The following ZFYVE16 variants were observed in gnomAD, a reference collection of about 807,000 sequenced individuals.
ZFYVE16 encodes the protein zinc finger FYVE-type containing 16, also known as zinc finger FYVE domain-containing protein 16.
Under a neutral mutation model 138.1 loss-of-function variants are expected in ZFYVE16, and 89 were observed. That is an observed-to-expected ratio of 0.64 (90% CI 0.54 to 0.77). The LOEUF is 0.77. Among genes scored for constraint, ZFYVE16 ranks in the 30% least tolerant of loss-of-function variants. The pLI is 0.00. For synonymous variants in ZFYVE16, 596 were observed against 618.3 expected, an observed-to-expected ratio of 0.96 and a Z score of 0.53; for missense variants, 1,793 against 1,786.7, an observed-to-expected ratio of 1.00 and a Z score of -0.06.
At position 80,413,890 on chromosome 5, in the gene ZFYVE16, AC is replaced by A. The variant is rs1335290516; in HGVS notation, c.-94+5738del. Among the ~76,000 whole-genome samples, 29 of 152,320 alleles carry A rather than the reference AC, an allele frequency of 1.9e-4. 1 individual carries two copies. Among genetic ancestry groups the A allele is most frequent in the Admixed American group, 1.3e-3 (20 of 15,300 alleles). ...AAGTATAGTTTACTCATTTCCTATT[AC>A]AGAAGATGGGAGTTTAGGTTTTTTG... On this transcript the variant is annotated intron_variant, in intron 1 of 18. Coordinates refer to ENST00000505560, the MANE Select transcript of ZFYVE16 (RefSeq NM_001284236.3).
At position 80,438,409 on chromosome 5, in the gene ZFYVE16, A is replaced by G. The variant is rs1750245995; in HGVS notation, c.1724A>G (p.Asn575Ser). Residue 575 changes from asparagine to serine, a missense_variant, in exon 4 of 19, where the codon AAT (asparagine) becomes AGT (serine). Physicochemically the swap from Asn to Ser is conservative, Grantham distance 46 (BLOSUM62 1). Transcript: ENST00000505560. ...AAAGGCTTAGATGATGGAAACATCA[A>G]TAATATATATTTCAATGCAGAAGCA... ...DMKGLDDGNI[N>S]NIYFNAEAGA... The G allele has an allele frequency of 5.6e-6, 9 of 1,613,830 alleles. No homozygotes were observed. Among genetic ancestry groups the G allele is most frequent in the South Asian group, 3.3e-5 (3 of 91,078 alleles).
chr5:80,454,417 A>G (rs1752295175), intron 11 of ZFYVE16: 1 of 151,612 alleles, frequency 6.6e-6, no homozygotes, highest in Non-Finnish European at 1.5e-5. Context: ...TCCAGAATTT[A>G]TGGTGCCCTA....
intron 6 of ZFYVE16, chr5:80,443,854 T>C (rs1447404381): frequency 1.5e-5 from 7 of 456,120 alleles, no homozygotes; most frequent in Middle Eastern, 6.5e-4. Flanking sequence ...AATTGCACTT[T>C]CCAGACTTCC....
At chr5:80,450,636 T>A in intron 10 of ZFYVE16, 50 bp downstream of exon 10, 1 of 1,559,528 alleles carries the variant, frequency 6.4e-7, no homozygotes, top group Non-Finnish European at 8.7e-7. Flanking sequence ...GATAAATTAG[T>A]TAAAGGCATT....
At chr5:80,433,018 C>A (rs1341596667) in intron 2 of ZFYVE16, among the ~76,000 whole-genome samples, 7 of 152,114 alleles carry the variant, frequency 4.6e-5, no homozygotes, top group South Asian at 2.1e-4. Context: ...CCATTGTGGA[C>A]GTCAGTGTGG....
intron 1 of ZFYVE16, among the ~76,000 whole-genome samples, chr5:80,426,857 G>C (rs747967747): frequency 6.6e-6 from 1 of 151,954 alleles, no homozygotes; most frequent in East Asian, 1.9e-4. Context: ...TTGAGGAATC[G>C]CTACACTGTC....
intron 1 of ZFYVE16, among the ~76,000 whole-genome samples, chr5:80,425,495 T>G (rs545303063): frequency 6.6e-6 from 1 of 152,350 alleles, no homozygotes; most frequent in East Asian, 1.9e-4. Context: ...ATAATGTATA[T>G]TCTTTTGTTT....
chr5:80,473,617 C>T, intron 16 of ZFYVE16, 137 bp from the exon 17 acceptor site: 1 of 542,948 alleles, frequency 1.8e-6, no homozygotes, highest in Non-Finnish European at 3.1e-6. Context: ...ATGTGAACTA[C>T]AGATTTAGTT....
At chr5:80,433,561 C>T (rs939049134) in intron 2 of ZFYVE16, among the ~76,000 whole-genome samples, 1 of 151,950 alleles carries the variant, frequency 6.6e-6, no homozygotes, top group African/African-American at 2.4e-5. Flanking sequence ...ACGTTATGCA[C>T]ATGTACCCTA....
At chr5:80,467,672 C>A (rs1265568213) in intron 15 of ZFYVE16, among the ~76,000 whole-genome samples, 3 of 152,178 alleles carry the variant, frequency 2.0e-5, no homozygotes, top group African/African-American at 7.2e-5. Flanking sequence ...AGAGTTGCCT[C>A]ATTAATTATT....
At chr5:80,460,113 A>T (rs1015403467) in intron 15 of ZFYVE16, among the ~76,000 whole-genome samples, 6 of 152,278 alleles carry the variant, frequency 3.9e-5, no homozygotes, top group Admixed American at 6.5e-5. Flanking sequence ...TACCATGAAT[A>T]TATAAAATTT....
At chr5:80,439,872 ACTGCCTCTAGTAGGTGTAAGTAT>A (rs1750464943) in intron 4 of ZFYVE16, 41 bp from the exon 5 acceptor site, 1 of 1,390,168 alleles carries the variant, frequency 7.2e-7, no homozygotes, top group Admixed American at 2.1e-5. Flanking sequence ...ACCTCCCCAC[ACTGCCTCTAGTAGGTGTAAGTAT>A]TCTTGAAACA....
chr5:80,460,532 G>A lies in ZFYVE16; in HGVS notation c.4024+1038G>A, dbSNP rs533728684. The stretch of plus-strand genomic sequence containing the variant: ...TGTTGTCTTCGAGATTTAAAGTTTT[G>A]CCTTTCACACTTAAGTCCCTAATTT... On this transcript the variant is annotated intron_variant, in intron 15 of 18. Transcript: ENST00000505560. Among the ~76,000 whole-genome samples, 156 of 152,146 alleles carry A rather than the reference G, an allele frequency of 1.0e-3. 1 individual carries two copies. The highest frequency in any genetic ancestry group is 1.9e-3 in the Non-Finnish European group (132 of 67,950).
At chr5:80,420,757 T>C (rs867356483) in intron 1 of ZFYVE16, among the ~76,000 whole-genome samples, 113 of 152,308 alleles carry the variant, frequency 7.4e-4, no homozygotes, top group Admixed American at 1.6e-3. Flanking sequence ...AATAAACATA[T>C]GTGTGCATGT....
rs768401278 is a variant in ZFYVE16, at chr5:80,438,484, A to G, written c.1799A>G (p.Asp600Gly). ...HGINIICEIV[D>G]KQNTIENGLS... Reference sequence around the variant, plus strand: ...ATTAATATAATTTGTGAAATAGTTGATAAACAAAATACAATAGAAAATGGC... The same window carrying G: ...ATTAATATAATTTGTGAAATAGTTGGTAAACAAAATACAATAGAAAATGGC... The change falls in exon 4 of 19, where the codon GAT (aspartate) becomes GGT (glycine). Residue 600 changes from aspartate to glycine, a missense_variant. This residue lies in a region of ZFYVE16 where 1,295 missense variants were observed against 1,204.3 expected (regional missense o/e 1.08). Coordinates refer to ENST00000505560, the MANE Select transcript of ZFYVE16 (RefSeq NM_001284236.3). 3 of 1,613,664 alleles carry G rather than the reference A, an allele frequency of 1.9e-6. No individual in the cohort carries two copies. The highest frequency in any genetic ancestry group is 2.5e-6 in the Non-Finnish European group (3 of 1,179,832).
In ZFYVE16 at chr5:80,455,736, T is replaced by C; in HGVS notation, c.3652T>C (p.Phe1218Leu). 2.5e-6 allele frequency: 4 copies of C among 1,594,490 alleles called. No homozygotes were observed. The highest frequency in any genetic ancestry group is 3.4e-6 in the Non-Finnish European group (4 of 1,174,986). The change falls in exon 12 of 19, where the codon TTT (phenylalanine) becomes CTT (leucine). Residue 1218 changes from phenylalanine to leucine, a missense_variant. By Grantham distance (22) the Phe-to-Leu change is conservative. Transcript: ENST00000505560. ...LTSIRGRKPL[F>L]GEIGHTIMNL... Reference sequence around the variant, plus strand: ...AAGCATCAGAGGCCGAAAACCTCTTTTTGGAGAAATAGGACACACTATTAT... The same window carrying C: ...AAGCATCAGAGGCCGAAAACCTCTTCTTGGAGAAATAGGACACACTATTAT...
rs1750091947 is a variant in ZFYVE16 at position 80,437,444 on chromosome 5, C to T, written c.759C>T (p.Ser253=). The T allele has an allele frequency of 6.9e-6, 11 of 1,601,476 alleles. No individual in the cohort carries two copies. Among genetic ancestry groups the T allele is most frequent in the Non-Finnish European group, 9.4e-6 (11 of 1,174,718 alleles). The part of the protein sequence containing the change: ...NMSSALTRQS[S]KMFHAKDKLQ... Reference sequence around the variant, plus strand: ...CATCTGCTTTGACTCGACAAAGTTCCAAAATGTTTCATGCCAAAGACAAGC... The same window carrying T: ...CATCTGCTTTGACTCGACAAAGTTCTAAAATGTTTCATGCCAAAGACAAGC... The change falls in exon 4 of 19, where the codon TCC becomes TCT. Residue 253 remains serine, a synonymous_variant. Coordinates refer to ENST00000505560, the MANE Select transcript of ZFYVE16 (RefSeq NM_001284236.3).
intron 3 of ZFYVE16, among the ~76,000 whole-genome samples, chr5:80,434,678 C>T (rs1436641167): frequency 6.6e-6 from 1 of 151,972 alleles, no homozygotes; most frequent in Non-Finnish European, 1.5e-5. Flanking sequence ...CCTATGTTGC[C>T]CAGGCTGGTC....
chr5:80,480,988 T>C lies in ZFYVE16; in HGVS notation c.*3611T>C, dbSNP rs1254463057. ...AAAAATAGTCCAAGGAACAATTTGC[T>C]GTTTCTAGTCAGAGGACCAGAAAGG... is the stretch of plus-strand genomic sequence containing the variant. On this transcript the variant is annotated 3_prime_UTR_variant, in exon 19 of 19. Coordinates refer to ENST00000505560, the MANE Select transcript of ZFYVE16 (RefSeq NM_001284236.3). 6.6e-6 allele frequency among the ~76,000 whole-genome samples: 1 copy of C among 152,172 alleles called. No individual in the cohort carries two copies. The highest frequency in any genetic ancestry group is 1.5e-5 in the Non-Finnish European group (1 of 68,032).
Sources: allele counts gnomAD v4.1 joint callset (sites outside exome capture counted in the v4.1 genomes callset), GRCh38; gene constraint gnomAD v4.1.1; regional missense constraint gnomAD v4.1.1; transcripts MANE v1.5; gene names NCBI Gene and HGNC (gene_info 2026-07-23, HGNC 2026-07-21).